The following USP13 variants were observed in gnomAD, a reference collection of about 807,000 sequenced individuals.
The protein encoded by USP13 is ubiquitin specific peptidase 13, also known as ubiquitin carboxyl-terminal hydrolase 13.
A neutral mutation model predicts 107.8 loss-of-function variants in USP13; 68 were observed. The ratio of observed to expected loss-of-function variants is 0.63; its 90% CI spans 0.52 to 0.77. USP13 has a LOEUF of 0.77. USP13 is among the 30% of genes least tolerant of loss of function. The pLI is 0.00. For missense variants in USP13, 945 were observed against 1,093.3 expected (o/e 0.86, Z 1.91); for synonymous variants, 377 against 389.5 (o/e 0.97, Z 0.38).
At chr3:179,745,287 AAAGGGG>A in intron 13 of USP13, 70 bp downstream of exon 13, 1 of 1,464,012 alleles carries the variant, frequency 6.8e-7, no homozygotes, top group Non-Finnish European at 9.4e-7. Context: ...GGGGTAAGGG[AAAGGGG>A]GTGGGTGTTA....
chr3:179,675,387 C>G (rs904129907), intron 1 of USP13, among the ~76,000 whole-genome samples: 1 of 151,726 alleles, frequency 6.6e-6, no homozygotes, highest in African/African-American at 2.4e-5. Flanking sequence ...ATTGGTGATT[C>G]TTTTCTGCAT....
intron 1 of USP13, among the ~76,000 whole-genome samples, chr3:179,663,241 T>C (rs1052508687): frequency 6.6e-6 from 1 of 152,248 alleles, no homozygotes; most frequent in East Asian, 1.9e-4. Flanking sequence ...AATCATGCAA[T>C]ATTTGTCCTT....
In USP13 at chr3:179,786,298, T is replaced by C. The variant is rs1715914129; in HGVS notation, c.*2157T>C. On this transcript the variant is annotated 3_prime_UTR_variant, in exon 21 of 21. Coordinates refer to ENST00000263966, the MANE Select transcript of USP13 (RefSeq NM_003940.3). ...GATGTTATAAAACAAAGGCCTGTTT[T>C]TTGGAATTGGGGGTGACTGGGTGGT... 6.6e-6 allele frequency: 1 copy of C among 152,174 alleles called. No individual in the cohort carries two copies. Among genetic ancestry groups the C allele is most frequent in the Non-Finnish European group, 1.5e-5 (1 of 68,034 alleles). The allele number at this position is 152,174 out of a possible 1,614,324, so 9.4% of individuals were successfully genotyped here. A position where few individuals can be genotyped will look rare whatever the true frequency, so the allele number is the denominator to read the frequency against.
chr3:179,680,204 A>AC (rs1417485784), intron 1 of USP13, among the ~76,000 whole-genome samples: 24 of 151,602 alleles, frequency 1.6e-4, no homozygotes, highest in African/African-American at 5.6e-4. Context: ...CAACAACAAA[A>AC]AGAAAGAGAG....
At chr3:179,748,236 C>G (rs1714477743) in intron 13 of USP13, among the ~76,000 whole-genome samples, 2 of 152,202 alleles carry the variant, frequency 1.3e-5, no homozygotes, top group South Asian at 4.1e-4. Flanking sequence ...AGTTCAAACT[C>G]TAAATGCCTG....
chr3:179,708,171 ACTC>A (rs2108482410), intron 5 of USP13, among the ~76,000 whole-genome samples: 1 of 152,102 alleles, frequency 6.6e-6, no homozygotes, highest in East Asian at 1.9e-4. Flanking sequence ...AAGGAAATGA[ACTC>A]CTCTCCTAGC....
chr3:179,781,080 C>T (rs1715730369), intron 19 of USP13, among the ~76,000 whole-genome samples: 1 of 152,150 alleles, frequency 6.6e-6, no homozygotes, highest in African/African-American at 2.4e-5. Context: ...GGGTATGATG[C>T]AAGAGGTACC....
intron 1 of USP13, among the ~76,000 whole-genome samples, chr3:179,654,565 ATG>A (rs1272877845): frequency 6.6e-6 from 1 of 152,194 alleles, no homozygotes; most frequent in African/African-American, 2.4e-5. Context: ...GGCGTTTATC[ATG>A]TCTTTTTGAG....
At chr3:179,689,351 T>C (rs564074359) in intron 2 of USP13, among the ~76,000 whole-genome samples, 16 of 152,216 alleles carry the variant, frequency 1.1e-4, no homozygotes, top group African/African-American at 3.9e-4. Flanking sequence ...ATGGCTTCCA[T>C]CATAGGTAGA....
intron 2 of USP13, among the ~76,000 whole-genome samples, chr3:179,684,998 G>C (rs1194659128): frequency 1.3e-5 from 2 of 151,962 alleles, no homozygotes; most frequent in Admixed American, 6.6e-5. Context: ...GACTTTCTTT[G>C]GTTTTGTCCA....
At chr3:179,673,392 G>A (rs1294633133) in intron 1 of USP13, among the ~76,000 whole-genome samples, 1 of 34,492 alleles carries the variant, frequency 2.9e-5, no homozygotes, top group Admixed American at 4.3e-4. Context: ...ATATGACACA[G>A]TTTTCCTGCC....
chr3:179,682,052 G>T (rs770943616), intron 2 of USP13, 49 bp downstream of exon 2: 1 of 1,565,302 alleles, frequency 6.4e-7, no homozygotes, highest in Non-Finnish European at 8.7e-7. Context: ...TCCCTGTAAC[G>T]TTGTCTCAGT....
At chr3:179,766,087 C>G (rs1262719572) in intron 19 of USP13, among the ~76,000 whole-genome samples, 1 of 151,838 alleles carries the variant, frequency 6.6e-6, no homozygotes, top group Non-Finnish European at 1.5e-5. Flanking sequence ...TCAAGCCATT[C>G]TCCTGCTTCA....
At chr3:179,781,683 A>G in intron 19 of USP13, 56 bp from the exon 20 acceptor site, 1 of 1,493,014 alleles carries the variant, frequency 6.7e-7, no homozygotes, top group Admixed American at 1.7e-5. Context: ...TCTAACCAGA[A>G]GTGCTCTTCA....
intron 3 of USP13, among the ~76,000 whole-genome samples, chr3:179,694,541 G>C (rs567881891): frequency 4.9e-4 from 75 of 152,214 alleles, no homozygotes; most frequent in African/African-American, 1.7e-3. Flanking sequence ...GGTGGCTCAT[G>C]CCTGTAATCT....
chr3:179,740,359 T>G lies in USP13; in HGVS notation c.1367T>G (p.Val456Gly). ...QDAQEFFLHL[V>G]NLVERNRIGS... ...GCCCAGGAATTCTTCTTGCACCTGG[T>G]GAATCTAGTAGAGGTGAGTAGTCAG... Residue 456 changes from valine to glycine, a missense_variant, in exon 11 of 21, where the codon GTG becomes GGG. Coordinates refer to ENST00000263966, the MANE Select transcript of USP13 (RefSeq NM_003940.3). The G allele has an allele frequency of 6.2e-7, 1 of 1,614,088 alleles. No homozygotes were observed. The highest frequency in any genetic ancestry group is 1.1e-5 in the South Asian group (1 of 91,078).
chr3:179,699,746 AT>A (rs1162183745), intron 3 of USP13, among the ~76,000 whole-genome samples: 12 of 113,476 alleles, frequency 1.1e-4, no homozygotes, highest in Admixed American at 3.7e-4. Context: ...TATCTTATTT[AT>A]TTTATTTATT....
rs139548122 is a variant in USP13 at position 179,772,668 on chromosome 3, T to G, written c.2413+6820T>G. ...TTAGCACTTGTTGCAGTTCCTAATT[T>G]TTTCAGCGGTGCTGTTGAAAGTTAA... On this transcript the variant is annotated intron_variant, in intron 19 of 20. Coordinates refer to ENST00000263966, the MANE Select transcript of USP13 (RefSeq NM_003940.3). Among the ~76,000 whole-genome samples the G allele has an allele frequency of 9.9e-3, 1,514 of 152,294 alleles. 24 individuals are homozygous for G. Among genetic ancestry groups the G allele is most frequent in the African/African-American group, 0.034 (1,433 of 41,542 alleles).
intron 19 of USP13, among the ~76,000 whole-genome samples, chr3:179,766,598 G>C (rs567741826): frequency 1.3e-5 from 2 of 152,172 alleles, no homozygotes; most frequent in African/African-American, 4.8e-5. Context: ...GCCATAGGCC[G>C]TTGTTCTGCC....
Sources: gnomAD v4.1 joint callset for allele counts (sites outside exome capture counted in the v4.1 genomes callset) on GRCh38, gnomAD v4.1.1 for gene constraint, MANE v1.5 for transcripts, NCBI Gene and HGNC (gene_info 2026-07-23, HGNC 2026-07-21) for gene names.